ACYP2: variants seen among roughly 807,000 people sequenced by gnomAD.
ACYP2 encodes the protein acylphosphatase 2, also known as acylphosphatase-2.
ACYP2 carries 12 observed loss-of-function variants against 11.2 expected under a neutral mutation model. The ratio of observed to expected loss-of-function variants is 1.08; its 90% CI spans 0.69 to 1.74. The LOEUF (loss-of-function observed/expected upper bound fraction) is 1.74. Among genes scored for constraint, ACYP2 ranks in the 40% most tolerant of loss-of-function variants. The pLI, the probability that ACYP2 is intolerant of heterozygous loss-of-function variation, is 0.00. For synonymous variants in ACYP2, 43 were observed against 32.2 expected, an observed-to-expected ratio of 1.33 and a Z score of -1.13; for missense variants, 134 against 101.9, an observed-to-expected ratio of 1.31 and a Z score of -1.35.
At chr2:54,207,852 G>C (rs929527938) in intron 6 of ACYP2, among the ~76,000 whole-genome samples, 6 of 152,172 alleles carry the variant, frequency 3.9e-5, no homozygotes, top group African/African-American at 7.2e-5. Context: ...TTGAAACTCA[G>C]CTTTCAAGTT....
chr2:53,997,161 A>G (rs959110712), intron 2 of ACYP2, among the ~76,000 whole-genome samples: 1 of 152,150 alleles, frequency 6.6e-6, no homozygotes, highest in African/African-American at 2.4e-5. Context: ...TCTACCTATC[A>G]AAACCAAACC....
intron 4 of ACYP2, among the ~76,000 whole-genome samples, chr2:54,112,031 T>C (rs1198448151): frequency 6.6e-6 from 1 of 152,226 alleles, no homozygotes; most frequent in East Asian, 1.9e-4. Flanking sequence ...CATATAGAGA[T>C]GTGTATTATC....
intron 6 of ACYP2, among the ~76,000 whole-genome samples, chr2:54,220,153 G>C (rs1426171239): frequency 6.6e-6 from 1 of 151,742 alleles, no homozygotes; most frequent in African/African-American, 2.4e-5. Flanking sequence ...TGAAGCTCTA[G>C]AAATAAAATT....
At chr2:54,068,268 T>C (rs1462485890) in intron 4 of ACYP2, among the ~76,000 whole-genome samples, 1 of 152,214 alleles carries the variant, frequency 6.6e-6, no homozygotes, top group Non-Finnish European at 1.5e-5. Context: ...CTCTTTAGTA[T>C]ATCTTCCTAC....
intron 6 of ACYP2, among the ~76,000 whole-genome samples, chr2:54,174,093 A>T (rs1386394474): frequency 2.6e-5 from 4 of 152,146 alleles, no homozygotes; most frequent in African/African-American, 9.7e-5. Flanking sequence ...CTTGATGGAG[A>T]TGGCATTGAA....
At chr2:54,067,532 A>G (rs1450995185) in intron 4 of ACYP2, among the ~76,000 whole-genome samples, 1 of 152,246 alleles carries the variant, frequency 6.6e-6, no homozygotes, top group Non-Finnish European at 1.5e-5. Flanking sequence ...AGGAGAATAT[A>G]TTTAGAGACA....
intron 3 of ACYP2, among the ~76,000 whole-genome samples, chr2:54,055,696 A>C (rs902178610): frequency 7.9e-5 from 12 of 152,216 alleles, no homozygotes; most frequent in African/African-American, 2.9e-4. Context: ...TATACTACAT[A>C]ATAGCCAAAG....
At chr2:54,153,589 T>A (rs1485475554) in intron 6 of ACYP2, among the ~76,000 whole-genome samples, 5 of 146,842 alleles carry the variant, frequency 3.4e-5, no homozygotes, top group Non-Finnish European at 7.5e-5. Flanking sequence ...TTGGGTAGTG[T>A]GGACTTTTTT....
intron 6 of ACYP2, among the ~76,000 whole-genome samples, chr2:54,162,154 G>A (rs1198711356): frequency 6.6e-6 from 1 of 152,118 alleles, no homozygotes; most frequent in Non-Finnish European, 1.5e-5. Flanking sequence ...TAACGAATGG[G>A]ATAAGTTTCC....
At chr2:54,178,349 G>C (rs1478003746) in intron 6 of ACYP2, among the ~76,000 whole-genome samples, 1 of 152,130 alleles carries the variant, frequency 6.6e-6, no homozygotes, top group African/African-American at 2.4e-5. Context: ...CGTGAACCTT[G>C]AGTTGTTTAT....
rs968979928 is a variant in ACYP2, at chr2:54,305,125, A to C, written c.*323A>C. 2 of 171,750 alleles carry C rather than the reference A, an allele frequency of 1.2e-5. No homozygotes were observed. The highest frequency in any genetic ancestry group is 4.7e-5 in the African/African-American group (2 of 42,336). The allele number at this position is 171,750 out of a possible 1,614,324, so 10.6% of individuals were successfully genotyped here. A position where few individuals can be genotyped will look rare whatever the true frequency, so the allele number is the denominator to read the frequency against. On this transcript the variant is annotated 3_prime_UTR_variant, in exon 7 of 7. Coordinates refer to ENST00000607452, the MANE Select transcript of ACYP2 (RefSeq NM_001320586.2). ...TGTTATTTGGCGAGACATCAAATAAAGTTAACCATTTAAAAATTATTTTCA... is the reference window on the plus strand; with the variant it reads ...TGTTATTTGGCGAGACATCAAATAACGTTAACCATTTAAAAATTATTTTCA...
intron 2 of ACYP2, among the ~76,000 whole-genome samples, chr2:54,026,766 T>C (rs1204054031): frequency 6.6e-6 from 1 of 152,178 alleles, no homozygotes; most frequent in Non-Finnish European, 1.5e-5. Context: ...GCAACCTGGA[T>C]ACAATTGAAG....
intron 6 of ACYP2, among the ~76,000 whole-genome samples, chr2:54,186,815 A>G (rs577086464): frequency 1.3e-5 from 2 of 152,272 alleles, no homozygotes; most frequent in Admixed American, 6.5e-5. Flanking sequence ...TACCCGGCCA[A>G]TAGTGTTATT....
rs1453953380 is a variant in ACYP2, at chr2:53,983,771, A to T, written c.62+9961A>T. On this transcript the variant is annotated intron_variant, in intron 2 of 6. Coordinates refer to ENST00000607452, the MANE Select transcript of ACYP2 (RefSeq NM_001320586.2). Reference sequence around the variant, plus strand: ...AAGTTGAAGGGGTGACAGCTGGCTCATCAAGTCTTGCAAGCAAGTTAATAA... The same window carrying T: ...AAGTTGAAGGGGTGACAGCTGGCTCTTCAAGTCTTGCAAGCAAGTTAATAA... 2.6e-5 allele frequency among the ~76,000 whole-genome samples: 4 copies of T among 152,222 alleles called. No individual in the cohort carries two copies. The East Asian group carries it at 7.7e-4, about 29-fold the overall frequency.
chr2:54,004,047 G>T (rs185854135), intron 2 of ACYP2, among the ~76,000 whole-genome samples: 1 of 151,870 alleles, frequency 6.6e-6, no homozygotes, highest in South Asian at 2.1e-4. Context: ...GCAATGGCGC[G>T]ATCTCAGCTT....
chr2:54,257,370 C>A (rs990868067), intron 6 of ACYP2, among the ~76,000 whole-genome samples: 1 of 152,144 alleles, frequency 6.6e-6, no homozygotes, highest in African/African-American at 2.4e-5. Context: ...AAAGACAATT[C>A]TTTCCCCATG....
chr2:54,243,574 G>T (rs762898127), intron 6 of ACYP2, among the ~76,000 whole-genome samples: 1 of 151,534 alleles, frequency 6.6e-6, no homozygotes, highest in African/African-American at 2.4e-5. Context: ...AGCTCATTGC[G>T]GCCTCTGCCT....
At chr2:54,105,827 G>A (rs1158612882) in intron 4 of ACYP2, among the ~76,000 whole-genome samples, 1 of 151,936 alleles carries the variant, frequency 6.6e-6, no homozygotes, top group Non-Finnish European at 1.5e-5. Context: ...CTTCTCCCCA[G>A]CACCTACACA....
intron 6 of ACYP2, among the ~76,000 whole-genome samples, chr2:54,274,218 T>A (rs1573032091): frequency 6.6e-6 from 1 of 151,908 alleles, no homozygotes; most frequent in African/African-American, 2.4e-5. Flanking sequence ...GCAGTAAAAC[T>A]CCCCCTTATA....
Sources: allele counts gnomAD v4.1 joint callset (sites outside exome capture counted in the v4.1 genomes callset), GRCh38; gene constraint gnomAD v4.1.1; transcripts MANE v1.5; gene names NCBI Gene and HGNC (gene_info 2026-07-23, HGNC 2026-07-21).